DHPS: variants seen among roughly 807,000 people sequenced by gnomAD.
The protein encoded by DHPS is deoxyhypusine synthase, also known as migration-inducing gene 13.
A neutral mutation model predicts 38.7 loss-of-function variants in DHPS; 24 were observed. That is an observed-to-expected ratio of 0.62 (90% CI 0.45 to 0.87). The LOEUF (loss-of-function observed/expected upper bound fraction) is 0.87, where lower values mean the gene tolerates loss of function less well. Among genes scored for constraint, DHPS ranks in the 40% least tolerant of loss-of-function variants. The pLI, the probability that DHPS is intolerant of heterozygous loss-of-function variation, is 0.00. For synonymous variants in DHPS, 250 were observed against 204.4 expected, an observed-to-expected ratio of 1.22 and a Z score of -1.90; for missense variants, 510 against 497.6, an observed-to-expected ratio of 1.02 and a Z score of -0.24.
downstream of DHPS, among the ~76,000 whole-genome samples, chr19:12,674,823 A>G (rs2145331159): frequency 6.6e-6 from 1 of 152,300 alleles, no homozygotes; most frequent in East Asian, 1.9e-4. Context: ...TGGTACAAGA[A>G]AAAGACTCCC....
intron 5 of DHPS, among the ~76,000 whole-genome samples, chr19:12,679,033 C>T (rs1458093843): frequency 6.6e-6 from 1 of 151,864 alleles, no homozygotes; most frequent in Non-Finnish European, 1.5e-5. Flanking sequence ...CAGTGGCTCA[C>T]GCCTGTAATC....
intron 7 of DHPS, 144 bp from the exon 8 acceptor site, chr19:12,676,286 C>G: frequency 1.9e-6 from 2 of 1,053,522 alleles, no homozygotes; most frequent in Non-Finnish European, 2.7e-6. Context: ...AGACAGGGCC[C>G]ATGTCAATGT....
chr19:12,681,102 G>T, intron 1 of DHPS: 1 of 1,274,766 alleles, frequency 7.8e-7, no homozygotes, highest in Non-Finnish European at 1.0e-6. Context: ...AAAATGCTGG[G>T]ATTATAGGCA....
At position 12,681,849 on chromosome 19, in the gene DHPS, G is replaced by T. The variant is rs1175422270; in HGVS notation, c.-83C>A. ...AGAAACGCGTTAAACCCCGACGCGC[G>T]CGTCTCCGCAAGAGCACAGGAAGTA... On this transcript the variant is annotated 5_prime_UTR_variant, in exon 1 of 9. Coordinates refer to ENST00000210060, the MANE Select transcript of DHPS (RefSeq NM_001930.4). 1.0e-5 allele frequency: 13 copies of T among 1,247,996 alleles called. No homozygotes were observed. The highest frequency in any genetic ancestry group is 1.5e-5 in the African/African-American group (1 of 67,786). 77.3% of individuals were successfully genotyped at this position (1,247,996 alleles called of 1,614,324 possible). A position where few individuals can be genotyped will look rare whatever the true frequency, so the allele number is the denominator to read the frequency against.
intron 5 of DHPS, among the ~76,000 whole-genome samples, chr19:12,678,799 T>C (rs1345748034): frequency 7.5e-6 from 1 of 132,492 alleles, no homozygotes; most frequent in African/African-American, 2.8e-5. Flanking sequence ...AAAGACTATG[T>C]AGCTTTTTTT....
intron 7 of DHPS, chr19:12,676,500 A>T: frequency 4.0e-6 from 1 of 248,564 alleles, no homozygotes; most frequent in South Asian, 5.4e-5. Context: ...ACCTGCCACC[A>T]TCTGTTCACC....
downstream of DHPS, among the ~76,000 whole-genome samples, chr19:12,675,210 T>TGAGGCCAGGAGTTC (rs1213208543): frequency 6.6e-6 from 1 of 152,092 alleles, no homozygotes; most frequent in Non-Finnish European, 1.5e-5. Flanking sequence ...GAGGATCACT[T>TGAGGCCAGGAGTTC]GAGGCCAGGA....
chr19:12,676,369 T>G, intron 7 of DHPS: 1 of 551,626 alleles, frequency 1.8e-6, no homozygotes, highest in South Asian at 2.2e-5. Context: ...TCAACAACCC[T>G]GCCCCATCTG....
chr19:12,681,099 T>C, intron 1 of DHPS: 1 of 1,269,892 alleles, frequency 7.9e-7, no homozygotes, highest in Non-Finnish European at 1.0e-6. Flanking sequence ...CCCAAAATGC[T>C]GGGATTATAG....
At chr19:12,678,514 A>C (rs2024690290) in intron 5 of DHPS, among the ~76,000 whole-genome samples, 2 of 151,934 alleles carry the variant, frequency 1.3e-5, no homozygotes, top group South Asian at 4.1e-4. Flanking sequence ...TCACCCCTGT[A>C]ATCCCAGCAC....
downstream of DHPS, among the ~76,000 whole-genome samples, chr19:12,674,512 C>T (rs945409612): frequency 1.1e-4 from 17 of 152,288 alleles, no homozygotes; most frequent in Non-Finnish European, 2.5e-4. Flanking sequence ...AAGAATGTTC[C>T]ACCTATTTCT....
intron 5 of DHPS, 34 bp from the exon 6 acceptor site, chr19:12,677,430 T>C (rs1599380461): frequency 7.6e-6 from 12 of 1,580,120 alleles, no homozygotes; most frequent in Non-Finnish European, 1.0e-5. Flanking sequence ...TGGCTGGAGC[T>C]CAGAGCCTCG....
intron 1 of DHPS, among the ~76,000 whole-genome samples, chr19:12,680,598 A>G (rs1212543586): frequency 1.3e-5 from 2 of 148,360 alleles, no homozygotes; most frequent in African/African-American, 2.5e-5. Context: ...CAATGGCGCG[A>G]TCTCGGCTCA....
At chr19:12,681,300 T>A (rs773151853) in intron 1 of DHPS, 1 of 1,252,470 alleles carries the variant, frequency 8.0e-7, no homozygotes, top group Non-Finnish European at 1.1e-6. Context: ...AAGCTTTAAA[T>A]GTACCTAGAA....
chr19:12,673,161 C>T (rs1177706745), downstream of DHPS: 1 of 1,610,558 alleles, frequency 6.2e-7, no homozygotes, highest in African/African-American at 1.3e-5. Context: ...CCTCTCCCAC[C>T]CCTGGAGAGG....
At chr19:12,681,385 TC>T (rs2145372947) in intron 1 of DHPS, 174 bp downstream of exon 1, 2 of 1,009,204 alleles carry the variant, frequency 2.0e-6, no homozygotes, top group African/African-American at 3.3e-5. Context: ...GAGTGCAAAA[TC>T]CCCTTCCCAG....
Position 12,677,408 on chromosome 19 carries a change from A to G in DHPS, c.679-12T>C, listed in dbSNP as rs772922784. ...ACAGGGATGTGGTTCTGCAGAGAACATGACAGGACAGTGGCTGGAGCTCAG... is the reference window on the plus strand; with the variant it reads ...ACAGGGATGTGGTTCTGCAGAGAACGTGACAGGACAGTGGCTGGAGCTCAG... On this transcript the variant is annotated splice_polypyrimidine_tract_variant and intron_variant, in intron 5 of 8. Coordinates refer to ENST00000210060, the MANE Select transcript of DHPS (RefSeq NM_001930.4). 11 of 1,610,648 alleles carry G rather than the reference A, an allele frequency of 6.8e-6. No individual in the cohort carries two copies. The Middle Eastern group carries it at 6.6e-4, about 96-fold the overall frequency.
In DHPS at chr19:12,676,053, G is replaced by C. The variant is rs2145339814; in HGVS notation, c.978C>G (p.Ser326=). ...GTGCATCCACCCGGATCTTGCCCCAGGAGACAGCCTCGTCTGGTCGGGCAC... is the reference window on the plus strand; with the variant it reads ...GTGCATCCACCCGGATCTTGCCCCACGAGACAGCCTCGTCTGGTCGGGCAC... ...DSGARPDEAV[S]WGKIRVDAQP... The change falls in exon 8 of 9, where the codon TCC becomes TCG. Residue 326 remains serine, a synonymous_variant. Coordinates refer to ENST00000210060, the MANE Select transcript of DHPS (RefSeq NM_001930.4). The C allele has an allele frequency of 1.2e-6, 2 of 1,614,140 alleles. No homozygotes were observed. Among genetic ancestry groups the C allele is most frequent in the Non-Finnish European group, 1.7e-6 (2 of 1,180,006 alleles).
intron 7 of DHPS, 111 bp downstream of exon 7, chr19:12,676,997 C>T (rs2024614383): frequency 1.0e-6 from 1 of 983,512 alleles, no homozygotes; most frequent in African/African-American, 1.6e-5. Flanking sequence ...AACATCAGTC[C>T]CGGGGAGCAG....
Sources: gnomAD v4.1 joint callset for allele counts (sites outside exome capture counted in the v4.1 genomes callset) on GRCh38, gnomAD v4.1.1 for gene constraint, MANE v1.5 for transcripts, NCBI Gene and HGNC (gene_info 2026-07-23, HGNC 2026-07-21) for gene names.